Variants in UGT2B17 observed in about 807,000 individuals in gnomAD.
The protein encoded by UGT2B17 is UDP-glucuronosyltransferase 2B17.
A neutral mutation model predicts 48.2 loss-of-function variants in UGT2B17; 21 were observed. The observed-to-expected ratio is 0.44, with a 90% confidence interval of 0.31 to 0.63. The LOEUF is 0.63. UGT2B17 is among the 20% of genes least tolerant of loss of function. The pLI is 0.08. For missense variants in UGT2B17, 402 were observed against 696.1 expected, an observed-to-expected ratio of 0.58 and a Z score of 4.75; for synonymous variants, 146 against 238.4, an observed-to-expected ratio of 0.61 and a Z score of 3.57.
In UGT2B17 at chr4:68,570,547, C is replaced by G. The variant is rs1419367809; in HGVS notation, c.-64-1999G>C. Among the ~76,000 whole-genome samples the G allele has an allele frequency of 1.6e-5, 2 of 126,358 alleles. 1 individual carries two copies. Among genetic ancestry groups the G allele is most frequent in the African/African-American group, 5.4e-5 (2 of 36,936 alleles). 82.9% of individuals were successfully genotyped at this position (126,358 alleles called of 152,430 possible). On this transcript the variant is annotated intron_variant, in intron 1 of 6. Coordinates refer to ENST00000317746, the MANE Select transcript of UGT2B17 (RefSeq NM_001077.4). ...TAAAATAATCTGAGAGGGTCCTTCT[C>G]TTCCTTCATTCCCCCCTTTTGAGAC...
chr4:68,541,274 AG>A lies in UGT2B17; in HGVS notation c.1314-3371del, dbSNP rs1730650611. Among the ~76,000 whole-genome samples, 2 of 125,912 alleles carry A rather than the reference AG, an allele frequency of 1.6e-5. 1 individual carries two copies. The highest frequency in any genetic ancestry group is 5.4e-5 in the African/African-American group (2 of 36,932). 82.6% of individuals were successfully genotyped at this position (125,912 alleles called of 152,430 possible). On this transcript the variant is annotated intron_variant, in intron 6 of 6. Coordinates refer to ENST00000317746, the MANE Select transcript of UGT2B17 (RefSeq NM_001077.4). ...CTTACATTCCCACCAAAAATGTAAA[AG>A]TTTTCCTATATCTCCCCAGTTTCAC...
intron 6 of UGT2B17, among the ~76,000 whole-genome samples, chr4:68,539,737 TG>T (rs898934260): frequency 8.1e-6 from 1 of 122,920 alleles, no homozygotes; most frequent in African/African-American, 2.8e-5. Context: ...CATTTTTTTA[TG>T]GCCCAGCATA....
At position 68,565,789 on chromosome 4, in the gene UGT2B17, G is replaced by A; in HGVS notation, c.725-69C>T. On this transcript the variant is annotated intron_variant, in intron 2 of 6. Coordinates refer to ENST00000317746, the MANE Select transcript of UGT2B17 (RefSeq NM_001077.4). ...GAATTGTTATTTTAATATTGAATAT[G>A]CAGGTATTTTCCTGAAAGGACTTGG... The A allele has an allele frequency of 4.0e-6, 5 of 1,260,424 alleles. 1 individual carries two copies. In the African/African-American group the frequency reaches 6.3e-5, roughly 16 times the overall value. 78.1% of individuals were successfully genotyped at this position (1,260,424 alleles called of 1,614,324 possible). A position where few individuals can be genotyped will look rare whatever the true frequency, so the allele number is the denominator to read the frequency against.
intron 4 of UGT2B17, among the ~76,000 whole-genome samples, chr4:68,552,202 C>T (rs1730929278): frequency 7.9e-6 from 1 of 126,274 alleles, no homozygotes; most frequent in South Asian, 3.7e-4. Flanking sequence ...AAAATCTATG[C>T]TAAAGGGAAA....
At position 68,562,406 on chromosome 4, in the gene UGT2B17, C is replaced by G. The variant is rs58692221; in HGVS notation, c.874-1738G>C. Among the ~76,000 whole-genome samples the G allele has an allele frequency of 1.6e-5, 2 of 126,278 alleles. 1 individual carries two copies. The highest frequency in any genetic ancestry group is 5.4e-5 in the African/African-American group (2 of 36,946). 82.8% of individuals were successfully genotyped at this position (126,278 alleles called of 152,430 possible). A position where few individuals can be genotyped will look rare whatever the true frequency, so the allele number is the denominator to read the frequency against. On this transcript the variant is annotated intron_variant, in intron 3 of 6. Transcript: ENST00000317746. Reference sequence around the variant, plus strand: ...GGGATTACAGGCTTGAGCCACTGTGCCCGGTCTGATATCAGTTTTAATTGG... The same window carrying G: ...GGGATTACAGGCTTGAGCCACTGTGGCCGGTCTGATATCAGTTTTAATTGG...
At position 68,558,331 on chromosome 4, in the gene UGT2B17, A is replaced by C. The variant is rs1412784655; in HGVS notation, c.1005+2206T>G. Reference sequence around the variant, plus strand: ...AATTTTTCATGGCTACACGTCTTCAAAATAGTGTCTTCAGGTTTTTTTTCC... The same window carrying C: ...AATTTTTCATGGCTACACGTCTTCACAATAGTGTCTTCAGGTTTTTTTTCC... On this transcript the variant is annotated intron_variant, in intron 4 of 6. Transcript: ENST00000317746. Among the ~76,000 whole-genome samples the C allele has an allele frequency of 1.6e-5, 2 of 125,372 alleles. 1 individual carries two copies. The highest frequency in any genetic ancestry group is 1.6e-4 in the Admixed American group (2 of 12,178). The allele number at this position is 125,372 out of a possible 152,430, so 82.2% of individuals were successfully genotyped here. A position where few individuals can be genotyped will look rare whatever the true frequency, so the allele number is the denominator to read the frequency against.
Position 68,567,756 on chromosome 4 carries a change from C to G in UGT2B17, c.724+5G>C. 7.6e-7 allele frequency: 1 copy of G among 1,313,954 alleles called. No homozygotes were observed. Among genetic ancestry groups the G allele is most frequent in the Non-Finnish European group, 9.7e-7 (1 of 1,026,392 alleles). 81.4% of individuals were successfully genotyped at this position (1,313,954 alleles called of 1,614,324 possible). A position where few individuals can be genotyped will look rare whatever the true frequency, so the allele number is the denominator to read the frequency against. On this transcript the variant is annotated splice_donor_5th_base_variant and intron_variant, in intron 2 of 6. Transcript: ENST00000317746. ...TAATAAACACCAATTGGACACACGA[C>G]TTACCTAGAACTTCACTATAAAACT...
Position 68,567,821 on chromosome 4 carries a change from C to G in UGT2B17, c.664G>C (p.Asp222His), listed in dbSNP as rs564777501. 16 of 1,367,550 alleles carry G rather than the reference C, an allele frequency of 1.2e-5. 6 individuals carry two copies. In the Admixed American group the frequency reaches 1.5e-4, roughly 13 times the overall value. The allele number at this position is 1,367,550 out of a possible 1,614,324, so 84.7% of individuals were successfully genotyped here. A position where few individuals can be genotyped will look rare whatever the true frequency, so the allele number is the denominator to read the frequency against. Residue 222 changes from aspartate to histidine, a missense_variant, in exon 2 of 7, where the codon GAC becomes CAC. Asp to His is a moderately conservative substitution (Grantham distance 81, BLOSUM62 -1). Transcript: ENST00000317746. ...IKNMIYMLYF[D>H]FWFQAYDLKK... ...AGATCATATGCTTGAAACCAAAAGT[C>G]AAAATAAAGCATATATATCATATTT...
Position 68,537,732 on chromosome 4 carries a change from C to T in UGT2B17, c.1486G>A (p.Ala496Thr). 2 of 1,379,388 alleles carry T rather than the reference C, an allele frequency of 1.4e-6. No individual in the cohort carries two copies. The highest frequency in any genetic ancestry group is 1.7e-5 in the South Asian group (1 of 59,958). The allele number at this position is 1,379,388 out of a possible 1,614,324, so 85.4% of individuals were successfully genotyped here. The part of the protein sequence containing the change: ...WIQYHSLDVI[A>T]FLLACVATMI... ...GTTGCCACGCAGGCCAGCAGGAATGCTATCACATCCAAAGAGTGGTACTGG... is the reference window on the plus strand; with the variant it reads ...GTTGCCACGCAGGCCAGCAGGAATGTTATCACATCCAAAGAGTGGTACTGG... The change falls in exon 7 of 7, where the codon GCA (alanine) becomes ACA (threonine). Residue 496 changes from alanine (A) to threonine (T), a missense_variant. Ala to Thr is a moderately conservative substitution (Grantham distance 58). Coordinates refer to ENST00000317746, the MANE Select transcript of UGT2B17 (RefSeq NM_001077.4).
chr4:68,545,188 A>T (rs1730773667), intron 6 of UGT2B17, among the ~76,000 whole-genome samples: 3 of 126,432 alleles, frequency 2.4e-5, no homozygotes, highest in Non-Finnish European at 3.3e-5. Flanking sequence ...AGCACTCCTC[A>T]GCAAATGTAA....
chr4:68,564,294 A>ATATTTTTTTTT (rs1366181355), intron 3 of UGT2B17, among the ~76,000 whole-genome samples: 2 of 75,784 alleles, frequency 2.6e-5, no homozygotes, highest in African/African-American at 1.0e-4. Flanking sequence ...ATATATATAT[A>ATATTTTTTTTT]TTTTTTTTTT....
chr4:68,572,138 T>A lies in UGT2B17; in HGVS notation c.-64-3590A>T, dbSNP rs554629687. Among the ~76,000 whole-genome samples the A allele has an allele frequency of 6.3e-5, 8 of 126,048 alleles. 4 individuals carry two copies. In the South Asian group the frequency reaches 2.9e-3, roughly 45 times the overall value. The allele number at this position is 126,048 out of a possible 152,430, so 82.7% of individuals were successfully genotyped here. On this transcript the variant is annotated intron_variant, in intron 1 of 6. Coordinates refer to ENST00000317746, the MANE Select transcript of UGT2B17 (RefSeq NM_001077.4). Reference sequence around the variant, plus strand: ...AGTATTGACACATCTCACATAAATATGATTTTTGACAGATATACTTATTTT... The same window carrying A: ...AGTATTGACACATCTCACATAAATAAGATTTTTGACAGATATACTTATTTT...
At chr4:68,539,783 C>CTTTTTT (rs869200519) in intron 6 of UGT2B17, among the ~76,000 whole-genome samples, 1 of 93,786 alleles carries the variant, frequency 1.1e-5, no homozygotes, top group Non-Finnish European at 2.1e-5. Context: ...TACATATAAT[C>CTTTTTT]TTTTTTTTTT....
intron 3 of UGT2B17, among the ~76,000 whole-genome samples, chr4:68,564,690 C>A (rs1731167088): frequency 1.6e-5 from 2 of 124,396 alleles, no homozygotes; most frequent in South Asian, 3.8e-4. Context: ...CAAGACTTTA[C>A]TTTTTTGTTT....
At chr4:68,558,785 G>T (rs1731050865) in intron 4 of UGT2B17, among the ~76,000 whole-genome samples, 1 of 124,896 alleles carries the variant, frequency 8.0e-6, no homozygotes, top group Admixed American at 8.3e-5. Flanking sequence ...AAACCTGGGG[G>T]CCCCAAAGTC....
In UGT2B17 at chr4:68,568,191, T is replaced by A; in HGVS notation, c.294A>T (p.Thr98=). Residue 98 remains threonine, a synonymous_variant, in exon 2 of 7, where the codon ACA becomes ACT. Transcript: ENST00000317746. ...AAAATGTATTTTTTGAAATACTATATGTCCATCTATCGAACATTTTCATAA... is the reference window on the plus strand; with the variant it reads ...AAAATGTATTTTTTGAAATACTATAAGTCCATCTATCGAACATTTTCATAA... ...DFFMKMFDRW[T]YSISKNTFWS... is the part of the protein sequence containing the mutation. 7.3e-7 allele frequency: 1 copy of A among 1,376,640 alleles called. No homozygotes were observed. Among genetic ancestry groups the A allele is most frequent in the Non-Finnish European group, 9.5e-7 (1 of 1,052,884 alleles). 85.3% of individuals were successfully genotyped at this position (1,376,640 alleles called of 1,614,324 possible).
intron 6 of UGT2B17, among the ~76,000 whole-genome samples, chr4:68,549,999 T>C (rs1322998853): frequency 8.0e-6 from 1 of 125,380 alleles, no homozygotes; most frequent in Non-Finnish European, 1.7e-5. Context: ...AAAATAATTA[T>C]GCTAAGTGAA....
chr4:68,539,444 A>AT (rs1730614256), intron 6 of UGT2B17, among the ~76,000 whole-genome samples: 1 of 125,392 alleles, frequency 8.0e-6, no homozygotes, highest in Non-Finnish European at 1.7e-5. Context: ...TGTTGTTAAC[A>AT]TTTTTTGATC....
rs1438090111 is a variant in UGT2B17 at position 68,558,012 on chromosome 4, G to C, written c.1005+2525C>G. 1.6e-5 allele frequency among the ~76,000 whole-genome samples: 2 copies of C among 124,674 alleles called. 1 individual carries two copies. Among genetic ancestry groups the C allele is most frequent in the Non-Finnish European group, 3.4e-5 (2 of 58,912 alleles). The allele number at this position is 124,674 out of a possible 152,430, so 81.8% of individuals were successfully genotyped here. A position where few individuals can be genotyped will look rare whatever the true frequency, so the allele number is the denominator to read the frequency against. ...AGGTATTTGATGGTACAAATCTATG[G>C]CTTGCCTCAGCTTTAAAAAAGTCCT... On this transcript the variant is annotated intron_variant, in intron 4 of 6. Transcript: ENST00000317746.
Sources: gnomAD v4.1 joint callset for allele counts (sites outside exome capture counted in the v4.1 genomes callset) on GRCh38, gnomAD v4.1.1 for gene constraint, MANE v1.5 for transcripts, NCBI Gene and HGNC (gene_info 2026-07-23, HGNC 2026-07-21) for gene names.